The following PLEKHM3 variants were observed in gnomAD, a reference collection of about 807,000 sequenced individuals.
PLEKHM3 encodes pleckstrin homology domain-containing family M member 3.
In PLEKHM3, 45 loss-of-function variants were observed where a neutral mutation model predicts 81.8. That is an observed-to-expected ratio of 0.55 (90% CI 0.43 to 0.71). The LOEUF is 0.71. PLEKHM3 is among the 30% of genes least tolerant of loss of function. The probability of loss-of-function intolerance (pLI) is 0.00; values close to 1 mark genes in which losing one functional copy is unlikely to be tolerated. For synonymous variants in PLEKHM3, 352 were observed against 356.4 expected, an observed-to-expected ratio of 0.99 and a Z score of 0.14; for missense variants, 788 against 924.3, an observed-to-expected ratio of 0.85 and a Z score of 1.91.
rs542557659 is a variant in PLEKHM3 at position 207,823,861 on chromosome 2, A to G, written c.*4458T>C. The G allele has an allele frequency of 3.3e-5, 5 of 152,360 alleles. No homozygotes were observed. The highest frequency in any genetic ancestry group is 1.2e-4 in the African/African-American group (5 of 41,592). The allele number at this position is 152,360 out of a possible 1,614,324, so 9.4% of individuals were successfully genotyped here. A position where few individuals can be genotyped will look rare whatever the true frequency, so the allele number is the denominator to read the frequency against. Reference sequence around the variant, plus strand: ...ATTTTCCCTCAGCCATGCACCCATTAAAACGCACTAAGGAAAGACCCTTGA... The same window carrying G: ...ATTTTCCCTCAGCCATGCACCCATTGAAACGCACTAAGGAAAGACCCTTGA... On this transcript the variant is annotated 3_prime_UTR_variant, in exon 8 of 8. Transcript: ENST00000427836.
intron 3 of PLEKHM3, among the ~76,000 whole-genome samples, chr2:207,963,515 G>C (rs1467221161): frequency 6.6e-6 from 1 of 152,192 alleles, no homozygotes; most frequent in African/African-American, 2.4e-5. Flanking sequence ...CAGAATGAAA[G>C]CAGGAAAACT....
At position 207,956,816 on chromosome 2, in the gene PLEKHM3, C is replaced by T. The variant is rs898203491; in HGVS notation, c.1547-10304G>A. On this transcript the variant is annotated intron_variant, in intron 3 of 7. Transcript: ENST00000427836. ...AACTCCTTTCCTTAAGCTATCCTCC[C>T]GCCCTGGCCTCCCAAAGTGCTGGAA... is the stretch of plus-strand genomic sequence containing the variant. 8.3e-5 allele frequency among the ~76,000 whole-genome samples: 12 copies of T among 145,376 alleles called. No homozygotes were observed. In the East Asian group the frequency reaches 1.6e-3, roughly 20 times the overall value.
chr2:208,002,457 G>C (rs1692343019), intron 1 of PLEKHM3, among the ~76,000 whole-genome samples: 1 of 152,120 alleles, frequency 6.6e-6, no homozygotes, highest in African/African-American at 2.4e-5. Flanking sequence ...CTGTGCTTGT[G>C]CTTCTTAGAC....
At chr2:207,877,143 T>C (rs1574360986) in intron 6 of PLEKHM3, among the ~76,000 whole-genome samples, 2 of 152,136 alleles carry the variant, frequency 1.3e-5, no homozygotes, top group South Asian at 4.1e-4. Context: ...AAAGATAAGA[T>C]TAGTTTCAAA....
chr2:207,883,197 T>C (rs1356001753), intron 6 of PLEKHM3, among the ~76,000 whole-genome samples: 3 of 152,208 alleles, frequency 2.0e-5, no homozygotes, highest in African/African-American at 7.2e-5. Flanking sequence ...GAATATTGCT[T>C]TGTGACTGTA....
chr2:208,022,288 G>T (rs1231140620), intron 1 of PLEKHM3, among the ~76,000 whole-genome samples: 2 of 152,096 alleles, frequency 1.3e-5, no homozygotes, highest in Non-Finnish European at 2.9e-5. Context: ...AGTTTTCTAT[G>T]GTTGCATAAC....
chr2:208,021,939 A>AT (rs1195398001), intron 1 of PLEKHM3, among the ~76,000 whole-genome samples: 1 of 152,162 alleles, frequency 6.6e-6, no homozygotes, highest in African/African-American at 2.4e-5. Context: ...ATTTGTTCCC[A>AT]TTTTGGGGCA....
Position 207,946,503 on chromosome 2 carries a change from C to A in PLEKHM3, c.1556G>T (p.Arg519Leu). The stretch of plus-strand genomic sequence containing the variant: ...TTTCCCATTGGAAAGACCTATGGAT[C>A]GCTGGCAGCCTGTTCAAGGAAAAAG... ...AQSFKCAGCQ[R>L]SIGLSNGKAK... The change falls in exon 4 of 8, where the codon CGA (arginine) becomes CTA (leucine). Residue 519 changes from arginine (R) to leucine (L), a missense_variant. Coordinates refer to ENST00000427836, the MANE Select transcript of PLEKHM3 (RefSeq NM_001080475.3). The A allele has an allele frequency of 6.2e-7, 1 of 1,613,634 alleles. No homozygotes were observed. The highest frequency in any genetic ancestry group is 8.5e-7 in the Non-Finnish European group (1 of 1,179,766).
chr2:207,865,801 A>AATATATATATATATATAT, intron 6 of PLEKHM3, among the ~76,000 whole-genome samples: 1 of 25,300 alleles, frequency 4.0e-5, no homozygotes, highest in African/African-American at 2.1e-4. Context: ...AAAAAAAAAA[A>AATATATATATATATATAT]AGATATATAT....
intron 7 of PLEKHM3, among the ~76,000 whole-genome samples, chr2:207,858,882 C>A (rs1469892403): frequency 6.6e-6 from 1 of 152,064 alleles, no homozygotes; most frequent in African/African-American, 2.4e-5. Flanking sequence ...GACCATGCAA[C>A]CATTACCACA....
chr2:207,885,787 G>A (rs1319859165), intron 6 of PLEKHM3, among the ~76,000 whole-genome samples: 2 of 152,170 alleles, frequency 1.3e-5, no homozygotes, highest in East Asian at 1.9e-4. Context: ...AATTAGGATT[G>A]CAGTTCTGAT....
intron 2 of PLEKHM3, among the ~76,000 whole-genome samples, chr2:207,983,595 A>G (rs2106049723): frequency 6.6e-6 from 1 of 152,194 alleles, no homozygotes; most frequent in Middle Eastern, 3.4e-3. Context: ...AAAAAGAAAA[A>G]AAAAAAAACA....
chr2:207,856,513 G>A (rs2092438432), intron 7 of PLEKHM3, among the ~76,000 whole-genome samples: 1 of 152,144 alleles, frequency 6.6e-6, no homozygotes, highest in Non-Finnish European at 1.5e-5. Flanking sequence ...TCTTTTTACT[G>A]TCTGTATAGT....
At chr2:208,015,028 T>A (rs1438305452) in intron 1 of PLEKHM3, among the ~76,000 whole-genome samples, 1 of 152,248 alleles carries the variant, frequency 6.6e-6, no homozygotes. Context: ...TAAGTTCTAA[T>A]CTAAGACCAA....
chr2:207,856,617 C>T (rs925739473), intron 7 of PLEKHM3, among the ~76,000 whole-genome samples: 11 of 152,156 alleles, frequency 7.2e-5, no homozygotes, highest in African/African-American at 2.4e-4. Context: ...TTTAGGTTTC[C>T]TCCATGTCTC....
intron 1 of PLEKHM3, among the ~76,000 whole-genome samples, chr2:208,009,784 A>G (rs1692626316): frequency 6.6e-6 from 1 of 152,192 alleles, no homozygotes; most frequent in South Asian, 2.1e-4. Context: ...GTATATTTTC[A>G]AGCCACTGAC....
chr2:207,896,134 G>C (rs1463126734), intron 6 of PLEKHM3, among the ~76,000 whole-genome samples: 1 of 152,160 alleles, frequency 6.6e-6, no homozygotes. Context: ...ATCACTTCTC[G>C]AGCTCTATAA....
intron 2 of PLEKHM3, among the ~76,000 whole-genome samples, chr2:207,993,505 T>C (rs1300700757): frequency 8.3e-6 from 1 of 120,688 alleles, no homozygotes; most frequent in Non-Finnish European, 1.9e-5. Context: ...ATTTGGCTTT[T>C]TTTTTTTTTT....
At chr2:207,983,088 G>A (rs1691593892) in intron 2 of PLEKHM3, among the ~76,000 whole-genome samples, 1 of 129,310 alleles carries the variant, frequency 7.7e-6, no homozygotes, top group South Asian at 2.4e-4. Flanking sequence ...GTCTCGCTCT[G>A]TCGCCCAGGC....
Sources: gnomAD v4.1 joint callset for allele counts (sites outside exome capture counted in the v4.1 genomes callset) on GRCh38, gnomAD v4.1.1 for gene constraint, MANE v1.5 for transcripts, NCBI Gene and HGNC (gene_info 2026-07-23, HGNC 2026-07-21) for gene names.